Variants in STX7 observed in about 807,000 individuals in gnomAD.
STX7 encodes the protein syntaxin 7, also known as syntaxin-7.
In STX7, 34 loss-of-function variants were observed where a neutral mutation model predicts 39.6. The ratio of observed to expected loss-of-function variants is 0.86; its 90% CI spans 0.65 to 1.14. The LOEUF is 1.14. STX7 is among the 50% of genes most tolerant of loss of function. The pLI, the probability that STX7 is intolerant of heterozygous loss-of-function variation, is 0.00. For missense variants in STX7, 284 were observed against 310.4 expected (o/e 0.92, Z 0.64); for synonymous variants, 119 against 99.1 (o/e 1.20, Z -1.19).
intron 2 of STX7, among the ~76,000 whole-genome samples, chr6:132,491,880 G>A (rs550659810): frequency 5.3e-5 from 8 of 152,102 alleles, no homozygotes; most frequent in African/African-American, 1.4e-4. Flanking sequence ...CTCCAATGTC[G>A]TCACCCACTC....
At chr6:132,469,450 G>A (rs544557734) in intron 7 of STX7, among the ~76,000 whole-genome samples, 21 of 152,160 alleles carry the variant, frequency 1.4e-4, no homozygotes, top group Admixed American at 9.8e-4. Context: ...ATGATCCCTC[G>A]TCCTAGCACA....
At chr6:132,503,007 A>G (rs1260358785) in intron 2 of STX7, among the ~76,000 whole-genome samples, 1 of 152,178 alleles carries the variant, frequency 6.6e-6, no homozygotes, top group African/African-American at 2.4e-5. Context: ...ATAAGGTACC[A>G]CATACTTGCC....
intron 1 of STX7, among the ~76,000 whole-genome samples, chr6:132,508,634 C>T (rs1266928785): frequency 2.0e-5 from 3 of 152,096 alleles, no homozygotes; most frequent in African/African-American, 7.2e-5. Context: ...CTCAGCATCC[C>T]GAGTAGCTGG....
At chr6:132,485,591 A>T (rs538478950) in intron 2 of STX7, among the ~76,000 whole-genome samples, 5 of 152,330 alleles carry the variant, frequency 3.3e-5, no homozygotes, top group Non-Finnish European at 2.9e-5. Context: ...AAATCAGTCA[A>T]ACTATTTTAC....
chr6:132,452,154 G>A lies in STX7; in HGVS notation c.*8604C>T, dbSNP rs1774148498. On this transcript the variant is annotated 3_prime_UTR_variant, in exon 10 of 10. Coordinates refer to ENST00000367941, the MANE Select transcript of STX7 (RefSeq NM_003569.3). ...GAAAAATGGCATTATGTAAATTAAG[G>A]CAGAAAAAGCATTTGACAAAATTCA... 1 of 152,020 alleles carries A rather than the reference G, an allele frequency of 6.6e-6. No individual in the cohort carries two copies. Among genetic ancestry groups the A allele is most frequent in the Admixed American group, 6.6e-5 (1 of 15,258 alleles). 9.4% of individuals were successfully genotyped at this position (152,020 alleles called of 1,614,324 possible).
At chr6:132,488,512 C>A (rs1048955673) in intron 2 of STX7, among the ~76,000 whole-genome samples, 5 of 152,116 alleles carry the variant, frequency 3.3e-5, no homozygotes, top group Non-Finnish European at 5.9e-5. Context: ...ATTTTCCTTG[C>A]AGTTTTGTCA....
At chr6:132,502,967 C>G in intron 2 of STX7, among the ~76,000 whole-genome samples, 1 of 152,032 alleles carries the variant, frequency 6.6e-6, no homozygotes. Flanking sequence ...TAGATTAAAA[C>G]GTCCTCTCCT....
intron 1 of STX7, among the ~76,000 whole-genome samples, chr6:132,511,091 C>T (rs9483473): frequency 0.08 from 12,203 of 152,170 alleles, 650 homozygotes; most frequent in East Asian, 0.16. Flanking sequence ...ATTTTTTTGT[C>T]TGTTTTGTGG....
At chr6:132,496,363 G>A (rs1175290430) in intron 2 of STX7, among the ~76,000 whole-genome samples, 3 of 152,122 alleles carry the variant, frequency 2.0e-5, no homozygotes, top group Non-Finnish European at 2.9e-5. Context: ...CAAGGACTGT[G>A]TTTCATAGCT....
chr6:132,471,550 T>C lies in STX7; in HGVS notation c.300A>G (p.Ser100=). ...KDRLVAEFTT[S]LTNFQKVQRQ... is the part of the protein sequence containing the mutation. ...TCTGGACCTTCTGGAAGTTTGTCAG[T>C]GATGTTGTGAACTCTGCCACTAAGC... The change falls in exon 5 of 10, where the codon TCA becomes TCG. Residue 100 remains serine, a synonymous_variant. Transcript: ENST00000367941. 1 of 1,613,994 alleles carries C rather than the reference T, an allele frequency of 6.2e-7. No individual in the cohort carries two copies.
rs752171509 is a variant in STX7 at position 132,461,011 on chromosome 6, C to T, written c.694-161G>A. On this transcript the variant is annotated intron_variant, in intron 9 of 9. Coordinates refer to ENST00000367941, the MANE Select transcript of STX7 (RefSeq NM_003569.3). ...CTGTGTTTTTTTGTTCCTCAAAAAT[C>T]TCTTTAATACATATGGCACTATTCT... Among the ~76,000 whole-genome samples, 368 of 152,230 alleles carry T rather than the reference C, an allele frequency of 2.4e-3. 5 individuals are homozygous for T. The highest frequency in any genetic ancestry group is 1.4e-3 in the Non-Finnish European group (94 of 68,010).
In STX7 at chr6:132,454,244, A is replaced by G. The variant is rs1461733557; in HGVS notation, c.*6514T>C. On this transcript the variant is annotated 3_prime_UTR_variant, in exon 10 of 10. Transcript: ENST00000367941. ...GAAATGAAAAAAAAAAAAACTATAA[A>G]AATGGAGAACAGATTATGGTTGCCA... is the stretch of plus-strand genomic sequence containing the variant. 6.6e-6 allele frequency: 1 copy of G among 152,090 alleles called. No individual in the cohort carries two copies. The highest frequency in any genetic ancestry group is 6.6e-5 in the Admixed American group (1 of 15,266). 9.4% of individuals were successfully genotyped at this position (152,090 alleles called of 1,614,324 possible).
chr6:132,468,365 T>C (rs1774615956), intron 8 of STX7, 38 bp downstream of exon 8: 1 of 1,511,024 alleles, frequency 6.6e-7, no homozygotes, highest in Non-Finnish European at 9.2e-7. Flanking sequence ...TGCATGTAGC[T>C]TGCTCTCACC....
At chr6:132,486,822 T>C (rs1392442493) in intron 2 of STX7, among the ~76,000 whole-genome samples, 2 of 151,992 alleles carry the variant, frequency 1.3e-5, no homozygotes, top group Non-Finnish European at 2.9e-5. Context: ...CCCGCCACCA[T>C]GCCCAGCTAA....
At chr6:132,485,142 A>G (rs1775101566) in intron 2 of STX7, among the ~76,000 whole-genome samples, 1 of 152,138 alleles carries the variant, frequency 6.6e-6, no homozygotes, top group Admixed American at 6.6e-5. Context: ...CACCCTCAAA[A>G]GTTTCCTTGT....
rs372922826 is a variant in STX7 at position 132,454,383 on chromosome 6, T to C, written c.*6375A>G. The C allele has an allele frequency of 9.2e-5, 14 of 152,284 alleles. No homozygotes were observed. The highest frequency in any genetic ancestry group is 8.3e-4 in the South Asian group (4 of 4,818). The allele number at this position is 152,284 out of a possible 1,614,324, so 9.4% of individuals were successfully genotyped here. A position where few individuals can be genotyped will look rare whatever the true frequency, so the allele number is the denominator to read the frequency against. ...GTGGAAACGTTCTCTATCTTAGCTA[T>C]ACCAGTGTCAGTATCCTGGGTATGA... On this transcript the variant is annotated 3_prime_UTR_variant, in exon 10 of 10. Coordinates refer to ENST00000367941, the MANE Select transcript of STX7 (RefSeq NM_003569.3).
At chr6:132,483,069 T>G (rs903192369) in intron 2 of STX7, among the ~76,000 whole-genome samples, 1 of 152,192 alleles carries the variant, frequency 6.6e-6, no homozygotes, top group Non-Finnish European at 1.5e-5. Context: ...TAAAAATTAC[T>G]AAAACCTTGT....
At chr6:132,480,905 GTCT>G (rs1562329385) in intron 2 of STX7, among the ~76,000 whole-genome samples, 7 of 152,040 alleles carry the variant, frequency 4.6e-5, no homozygotes, top group African/African-American at 1.7e-4. Flanking sequence ...TTAACTGTTC[GTCT>G]CCTTCCCTAT....
At position 132,446,986 on chromosome 6, in the gene STX7, G is replaced by A. The variant is rs967100958; in HGVS notation, c.*13772C>T. The A allele has an allele frequency of 6.6e-5, 10 of 152,316 alleles. No homozygotes were observed. The highest frequency in any genetic ancestry group is 4.6e-4 in the Admixed American group (7 of 15,298). 9.4% of individuals were successfully genotyped at this position (152,316 alleles called of 1,614,324 possible). On this transcript the variant is annotated 3_prime_UTR_variant, in exon 10 of 10. Transcript: ENST00000367941. ...ATGAATAACTGCCGAGGGTACCATA[G>A]ACACTGGGTTGGACAAGCAAGAAAT...
Sources: gnomAD v4.1 joint callset for allele counts (sites outside exome capture counted in the v4.1 genomes callset) on GRCh38, gnomAD v4.1.1 for gene constraint, MANE v1.5 for transcripts, NCBI Gene and HGNC (gene_info 2026-07-23, HGNC 2026-07-21) for gene names.